Variants in PCDH15 observed in about 807,000 individuals in gnomAD.
The protein encoded by PCDH15 is protocadherin-15.
PCDH15 carries 129 observed loss-of-function variants against 178.5 expected under a neutral mutation model. The ratio of observed to expected loss-of-function variants is 0.72; its 90% CI spans 0.63 to 0.84. The LOEUF (loss-of-function observed/expected upper bound fraction) is 0.84. Among genes scored for constraint, PCDH15 ranks in the 40% least tolerant of loss-of-function variants. PCDH15 has a pLI of 0.00. For missense variants in PCDH15, 2,230 were observed against 2,099.9 expected, an observed-to-expected ratio of 1.06 and a Z score of -1.21; for synonymous variants, 800 against 732.0, an observed-to-expected ratio of 1.09 and a Z score of -1.50.
At chr10:55,070,887 T>C (rs971317399) in intron 2 of PCDH15, among the ~76,000 whole-genome samples, 5 of 152,156 alleles carry the variant, frequency 3.3e-5, no homozygotes, top group Non-Finnish European at 5.9e-5. Flanking sequence ...ATTTTCACGA[T>C]ATTGATTCTT....
rs554317618 is a variant in PCDH15 at position 55,260,283 on chromosome 10, C to A, written c.-156+59316G>T. Reference sequence around the variant, plus strand: ...ATTTCATATTCTAATTTGATTATTTCTGTTTTCTTACTAAAAGGAAGCCAA... The same window carrying A: ...ATTTCATATTCTAATTTGATTATTTATGTTTTCTTACTAAAAGGAAGCCAA... On this transcript the variant is annotated intron_variant, in intron 1 of 5. Coordinates refer to the PCDH15 transcript ENST00000458638. 1.2e-4 allele frequency among the ~76,000 whole-genome samples: 18 copies of A among 151,810 alleles called. 2 individuals carry two copies. In the South Asian group the frequency reaches 3.7e-3, roughly 32 times the overall value.
At chr10:54,023,734 AATATTT>A (rs2093000597) in intron 18 of PCDH15, among the ~76,000 whole-genome samples, 3 of 151,312 alleles carry the variant, frequency 2.0e-5, no homozygotes, top group Admixed American at 1.3e-4. Context: ...TACCATAAAT[AATATTT>A]ATAAGTATAA....
chr10:54,078,476 A>T (rs975099260), intron 17 of PCDH15, among the ~76,000 whole-genome samples: 1 of 152,064 alleles, frequency 6.6e-6, no homozygotes, highest in Non-Finnish European at 1.5e-5. Context: ...GATCATTTCA[A>T]GGAGCCAGGA....
chr10:54,881,337 C>T (rs537118521), intron 3 of PCDH15, among the ~76,000 whole-genome samples: 2 of 152,174 alleles, frequency 1.3e-5, no homozygotes, highest in East Asian at 3.9e-4. Context: ...TGCTTTAAGG[C>T]ATATGAACAA....
intron 21 of PCDH15, among the ~76,000 whole-genome samples, chr10:53,964,135 A>G (rs2088683577): frequency 6.6e-6 from 1 of 152,130 alleles, no homozygotes; most frequent in Non-Finnish European, 1.5e-5. Context: ...TTTTTGGCTA[A>G]TAAATTTACC....
At chr10:54,193,358 T>A (rs1211823883) in intron 11 of PCDH15, among the ~76,000 whole-genome samples, 1 of 152,204 alleles carries the variant, frequency 6.6e-6, no homozygotes. Context: ...ATTTTGCTAT[T>A]GTGTAAACTT....
chr10:53,865,985 T>G (rs1274711932), intron 27 of PCDH15, among the ~76,000 whole-genome samples: 8 of 152,160 alleles, frequency 5.3e-5, no homozygotes, highest in Non-Finnish European at 1.2e-4. Flanking sequence ...TGCACTGGTG[T>G]TAAATATTTT....
chr10:55,166,120 C>T (rs1177999583), intron 2 of PCDH15, among the ~76,000 whole-genome samples: 1 of 152,058 alleles, frequency 6.6e-6, no homozygotes, highest in African/African-American at 2.4e-5. Flanking sequence ...CTGAAAATGT[C>T]AAACTTCTGC....
At chr10:54,717,659 G>C (rs1482874837) in intron 1 of PCDH15, among the ~76,000 whole-genome samples, 1 of 133,190 alleles carries the variant, frequency 7.5e-6, no homozygotes, top group Non-Finnish European at 1.6e-5. Flanking sequence ...TTACACTGTT[G>C]GTGGGACTGT....
intron 2 of PCDH15, among the ~76,000 whole-genome samples, chr10:55,121,722 C>A (rs1837777520): frequency 6.6e-6 from 1 of 152,076 alleles, no homozygotes; most frequent in Non-Finnish European, 1.5e-5. Flanking sequence ...GATCCTTCTG[C>A]CCTTTTACCC....
intron 1 of PCDH15, among the ~76,000 whole-genome samples, chr10:54,740,486 A>T (rs1355035060): frequency 6.6e-6 from 1 of 151,966 alleles, no homozygotes; most frequent in Non-Finnish European, 1.5e-5. Flanking sequence ...GAAAACTGAA[A>T]ATAGAATTAG....
chr10:54,563,216 G>A (rs563579197), intron 2 of PCDH15, among the ~76,000 whole-genome samples: 1 of 152,010 alleles, frequency 6.6e-6, no homozygotes, highest in Non-Finnish European at 1.5e-5. Context: ...CTATATTATT[G>A]CCCAGGTTTT....
At chr10:53,985,637 C>T (rs1403000358) in intron 21 of PCDH15, among the ~76,000 whole-genome samples, 1 of 152,024 alleles carries the variant, frequency 6.6e-6, no homozygotes, top group Non-Finnish European at 1.5e-5. Context: ...TATAAACACA[C>T]CCCGAGAAAA....
chr10:55,428,550 TTCTC>T, intron 2 of PCDH15, among the ~76,000 whole-genome samples: 1 of 151,878 alleles, frequency 6.6e-6, no homozygotes, highest in African/African-American at 2.4e-5. Flanking sequence ...TATAAATTCT[TTCTC>T]TATATCTATA....
intron 3 of PCDH15, among the ~76,000 whole-genome samples, chr10:54,518,445 A>G (rs1170386118): frequency 6.6e-6 from 1 of 152,192 alleles, no homozygotes; most frequent in African/African-American, 2.4e-5. Context: ...CTACGCAAAT[A>G]AACTGGAAAA....
At chr10:55,006,570 AT>A (rs1237288685) in intron 2 of PCDH15, among the ~76,000 whole-genome samples, 4 of 151,254 alleles carry the variant, frequency 2.6e-5, no homozygotes, top group Admixed American at 1.3e-4. Flanking sequence ...TCATGGCTTG[AT>A]AAGTCTTTAT....
intron 8 of PCDH15, among the ~76,000 whole-genome samples, chr10:54,249,444 G>A (rs995323094): frequency 2.4e-4 from 36 of 152,054 alleles, no homozygotes; most frequent in African/African-American, 8.7e-4. Context: ...AATTTCTTTG[G>A]TCACTAGCAT....
chr10:54,720,387 A>C (rs1566033021), intron 1 of PCDH15, among the ~76,000 whole-genome samples: 1 of 152,050 alleles, frequency 6.6e-6, no homozygotes, highest in Non-Finnish European at 1.5e-5. Context: ...AAAGTGGAAA[A>C]AAAAATCCTA....
chr10:54,179,368 A>G (rs1166338855), intron 13 of PCDH15, among the ~76,000 whole-genome samples: 1 of 141,894 alleles, frequency 7.0e-6, no homozygotes, highest in African/African-American at 2.6e-5. Context: ...GAATTGAACA[A>G]TGAGAACACA....
Sources: allele counts gnomAD v4.1 joint callset (sites outside exome capture counted in the v4.1 genomes callset), GRCh38; gene constraint gnomAD v4.1.1; transcripts MANE v1.5; gene names NCBI Gene and HGNC (gene_info 2026-07-23, HGNC 2026-07-21).